The following MEF2A variants were observed in gnomAD, a reference collection of about 807,000 sequenced individuals.
The protein encoded by MEF2A is myocyte-specific enhancer factor 2A.
MEF2A carries 28 observed loss-of-function variants against 55.8 expected under a neutral mutation model. The ratio of observed to expected loss-of-function variants is 0.50; its 90% CI spans 0.37 to 0.69. The LOEUF (loss-of-function observed/expected upper bound fraction) is 0.69. Ranked by LOEUF, MEF2A falls within the 30% of genes least tolerant of loss-of-function variation. The pLI is 0.00. For synonymous variants in MEF2A, 239 were observed against 227.1 expected, an observed-to-expected ratio of 1.05 and a Z score of -0.47; for missense variants, 528 against 626.2, an observed-to-expected ratio of 0.84 and a Z score of 1.67.
chr15:99,637,367 C>T (rs1272940467), intron 3 of MEF2A, among the ~76,000 whole-genome samples: 1 of 152,084 alleles, frequency 6.6e-6, no homozygotes, highest in Non-Finnish European at 1.5e-5. Flanking sequence ...TGATAGTTTT[C>T]AAAATAAGTC....
At chr15:99,635,298 TCA>T (rs2043596574) in intron 3 of MEF2A, among the ~76,000 whole-genome samples, 3 of 152,146 alleles carry the variant, frequency 2.0e-5, no homozygotes, top group Non-Finnish European at 2.9e-5. Flanking sequence ...AAGATAAAAA[TCA>T]CACTTCATTA....
chr15:99,657,318 A>G (rs987062032), intron 4 of MEF2A: 1 of 151,866 alleles, frequency 6.6e-6, no homozygotes, highest in Non-Finnish European at 1.5e-5. Context: ...AACTTAAAAA[A>G]AAAAATAGCA....
intron 2 of MEF2A, among the ~76,000 whole-genome samples, chr15:99,611,066 A>ACC (rs1288621539): frequency 6.6e-6 from 1 of 152,164 alleles, no homozygotes; most frequent in African/African-American, 2.4e-5. Flanking sequence ...ACATGGTGAA[A>ACC]CCCCATCCCT....
chr15:99,580,435 T>C (rs1484106494), intron 1 of MEF2A, among the ~76,000 whole-genome samples: 2 of 152,314 alleles, frequency 1.3e-5, no homozygotes, highest in East Asian at 3.9e-4. Context: ...CATTGACTTA[T>C]CCTGCCCGTG....
intron 1 of MEF2A, among the ~76,000 whole-genome samples, chr15:99,593,383 A>C (rs1189982543): frequency 6.6e-6 from 1 of 152,066 alleles, no homozygotes; most frequent in African/African-American, 2.4e-5. Context: ...TTAAAATTGT[A>C]GTTTTATATA....
At chr15:99,605,564 G>A (rs1469269307) in intron 2 of MEF2A, among the ~76,000 whole-genome samples, 1 of 152,032 alleles carries the variant, frequency 6.6e-6, no homozygotes, top group African/African-American at 2.4e-5. Flanking sequence ...ATGCCTGAAA[G>A]GTAGACCTTA....
At chr15:99,659,683 G>T (rs577705695) in intron 4 of MEF2A, among the ~76,000 whole-genome samples, 2 of 152,212 alleles carry the variant, frequency 1.3e-5, no homozygotes, top group African/African-American at 4.8e-5. Flanking sequence ...AGAGTACTTG[G>T]ATCTCTGGAT....
chr15:99,669,250 A>C (rs552795275), intron 4 of MEF2A, among the ~76,000 whole-genome samples: 1 of 152,370 alleles, frequency 6.6e-6, no homozygotes, highest in East Asian at 1.9e-4. Flanking sequence ...CTTAAAATAG[A>C]TGAAAATTGA....
intron 4 of MEF2A, among the ~76,000 whole-genome samples, chr15:99,664,031 G>A (rs529465417): frequency 1.3e-5 from 2 of 152,178 alleles, no homozygotes; most frequent in African/African-American, 4.8e-5. Context: ...AAAGATTTTT[G>A]TTGGGGTAGA....
chr15:99,606,624 AAAG>A (rs1211704944), intron 2 of MEF2A, among the ~76,000 whole-genome samples: 17 of 152,328 alleles, frequency 1.1e-4, no homozygotes, highest in African/African-American at 4.1e-4. Flanking sequence ...CGTGGAAAAA[AAAG>A]TGCTTAACCT....
intron 2 of MEF2A, among the ~76,000 whole-genome samples, chr15:99,632,723 A>T (rs901442638): frequency 2.0e-5 from 3 of 152,184 alleles, no homozygotes; most frequent in Non-Finnish European, 4.4e-5. Flanking sequence ...TCTTGTTGCT[A>T]TTATTGTATA....
At chr15:99,581,192 A>G (rs914783220) in intron 1 of MEF2A, among the ~76,000 whole-genome samples, 1 of 152,186 alleles carries the variant, frequency 6.6e-6, no homozygotes, top group African/African-American at 2.4e-5. Flanking sequence ...AGTAAGAAAT[A>G]GACTTAACTT....
At chr15:99,700,212 A>G (rs2057212182) in intron 8 of MEF2A, among the ~76,000 whole-genome samples, 1 of 139,598 alleles carries the variant, frequency 7.2e-6, no homozygotes, top group African/African-American at 2.7e-5. Flanking sequence ...ACACACACAC[A>G]CATATGTACG....
chr15:99,686,823 G>A (rs2054323820), intron 7 of MEF2A, among the ~76,000 whole-genome samples: 1 of 152,016 alleles, frequency 6.6e-6, no homozygotes, highest in Non-Finnish European at 1.5e-5. Context: ...CAGACTTTTA[G>A]ATTTCTCTTC....
intron 4 of MEF2A, among the ~76,000 whole-genome samples, chr15:99,664,037 G>A (rs1218539117): frequency 6.6e-6 from 1 of 152,156 alleles, no homozygotes; most frequent in Non-Finnish European, 1.5e-5. Context: ...TTTTGTTGGG[G>A]TAGATACCAT....
chr15:99,668,291 T>A (rs1419384929), intron 4 of MEF2A, among the ~76,000 whole-genome samples: 2 of 152,224 alleles, frequency 1.3e-5, no homozygotes, highest in Non-Finnish European at 2.9e-5. Flanking sequence ...GGGTGTATCA[T>A]CGGCTTAAAT....
intron 8 of MEF2A, among the ~76,000 whole-genome samples, chr15:99,699,932 A>G (rs2057121217): frequency 6.7e-6 from 1 of 149,630 alleles, no homozygotes; most frequent in Non-Finnish European, 1.5e-5. Flanking sequence ...TTATAGTTGA[A>G]GGATTCAGTA....
chr15:99,639,469 C>T (rs1429781393), intron 3 of MEF2A, among the ~76,000 whole-genome samples: 6 of 152,172 alleles, frequency 3.9e-5, no homozygotes, highest in Non-Finnish European at 4.4e-5. Flanking sequence ...CTTAATTCAT[C>T]AATACTTCTA....
chr15:99,702,231 C>T (rs1018537009), intron 8 of MEF2A, among the ~76,000 whole-genome samples: 2 of 152,126 alleles, frequency 1.3e-5, no homozygotes, highest in Non-Finnish European at 2.9e-5. Flanking sequence ...ATCGGTCCCA[C>T]CTACTTTACA....
Sources: gnomAD v4.1 joint callset for allele counts (sites outside exome capture counted in the v4.1 genomes callset) on GRCh38, gnomAD v4.1.1 for gene constraint, MANE v1.5 for transcripts, NCBI Gene and HGNC (gene_info 2026-07-23, HGNC 2026-07-21) for gene names.